The following NSUN4 variants were observed in gnomAD, a reference collection of about 807,000 sequenced individuals.
The protein encoded by NSUN4 is 5-cytosine rRNA methyltransferase NSUN4.
In NSUN4, 31 loss-of-function variants were observed where a neutral mutation model predicts 43.8. The ratio of observed to expected loss-of-function variants is 0.71; its 90% CI spans 0.53 to 0.96. The LOEUF (loss-of-function observed/expected upper bound fraction) is 0.96, where lower values mean the gene tolerates loss of function less well. Ranked by LOEUF, NSUN4 falls within the 40% of genes least tolerant of loss-of-function variation. The probability of loss-of-function intolerance (pLI) is 0.00; values close to 1 mark genes in which losing one functional copy is unlikely to be tolerated. For missense variants in NSUN4, 439 were observed against 475.6 expected (o/e 0.92, Z 0.72); for synonymous variants, 167 against 184.1 (o/e 0.91, Z 0.75).
downstream of NSUN4, among the ~76,000 whole-genome samples, chr1:46,367,763 C>CTTTTT (rs35109012): frequency 1.6e-5 from 2 of 124,632 alleles, no homozygotes; most frequent in African/African-American, 3.0e-5. Flanking sequence ...TCTGAAATTT[C>CTTTTT]TTTTTTTTTT....
rs1663985349 is a variant in NSUN4, at chr1:46,363,143, G to A, written c.*1297G>A. Reference sequence around the variant, plus strand: ...CCTGCTCATCCTTATTTGGGTATTAGAGGTGTCAGTTGAGGAGGGACTTTA... The same window carrying A: ...CCTGCTCATCCTTATTTGGGTATTAAAGGTGTCAGTTGAGGAGGGACTTTA... On this transcript the variant is annotated 3_prime_UTR_variant, in exon 6 of 6. Coordinates refer to ENST00000474844, the MANE Select transcript of NSUN4 (RefSeq NM_199044.4). The A allele has an allele frequency of 6.6e-6, 1 of 152,026 alleles. No individual in the cohort carries two copies. Among genetic ancestry groups the A allele is most frequent in the African/African-American group, 2.4e-5 (1 of 41,370 alleles). The allele number at this position is 152,026 out of a possible 1,614,324, so 9.4% of individuals were successfully genotyped here.
intron 2 of NSUN4, among the ~76,000 whole-genome samples, 190 bp from the exon 3 acceptor site, chr1:46,346,731 A>G (rs1662532764): frequency 6.6e-6 from 1 of 152,100 alleles, no homozygotes; most frequent in African/African-American, 2.4e-5. Flanking sequence ...TCAGTCAATC[A>G]ATCAGTAAAT....
chr1:46,375,360 A>G, the NSUN4 span, among the ~76,000 whole-genome samples: 1 of 150,956 alleles, frequency 6.6e-6, no homozygotes, highest in Non-Finnish European at 1.5e-5. Context: ...GCTTGAACTC[A>G]GGAGGCGGAG....
At chr1:46,361,541 T>G (rs1663870570) in intron 5 of NSUN4, 29 bp from the exon 6 acceptor site, 1 of 1,605,518 alleles carries the variant, frequency 6.2e-7, no homozygotes, top group Non-Finnish European at 8.5e-7. Flanking sequence ...AGCTCACTAG[T>G]AACTGCTTCT....
chr1:46,342,138 C>CA, intron 1 of NSUN4: 1 of 412,282 alleles, frequency 2.4e-6, no homozygotes, highest in Non-Finnish European at 4.2e-6. Flanking sequence ...AACCCTTTCT[C>CA]ACAGAGTTTT....
the NSUN4 span, among the ~76,000 whole-genome samples, chr1:46,371,863 C>T: frequency 6.6e-6 from 1 of 152,096 alleles, no homozygotes; most frequent in South Asian, 2.1e-4. Context: ...GACCAGATCT[C>T]ATGTGAACTC....
chr1:46,376,336 G>A, the NSUN4 span, among the ~76,000 whole-genome samples: 1 of 151,798 alleles, frequency 6.6e-6, no homozygotes, highest in African/African-American at 2.4e-5. Flanking sequence ...CTTGAACCTG[G>A]GAGTTGGAGG....
intron 3 of NSUN4, among the ~76,000 whole-genome samples, chr1:46,350,395 A>C (rs1394995310): frequency 1.3e-5 from 2 of 152,140 alleles, no homozygotes; most frequent in African/African-American, 4.8e-5. Flanking sequence ...ACATTTATTT[A>C]TGGGATTACT....
intron 3 of NSUN4, among the ~76,000 whole-genome samples, chr1:46,350,231 T>C (rs2148385573): frequency 6.6e-6 from 1 of 152,278 alleles, no homozygotes; most frequent in Non-Finnish European, 1.5e-5. Context: ...TTGAGTGCCC[T>C]CAAAAATGGA....
downstream of NSUN4, among the ~76,000 whole-genome samples, chr1:46,365,850 G>A (rs191931359): frequency 7.2e-5 from 11 of 152,206 alleles, no homozygotes; most frequent in South Asian, 2.1e-4. Flanking sequence ...GTAGTGGGCC[G>A]GGCAGTGTGG....
At position 46,344,876 on chromosome 1, in the gene NSUN4, G is replaced by A. The variant is rs775921673; in HGVS notation, c.169G>A (p.Gly57Arg). The change falls in exon 2 of 6, where the codon GGA (glycine) becomes AGA (arginine). Residue 57 changes from glycine (G) to arginine (R), a missense_variant. Coordinates refer to ENST00000474844, the MANE Select transcript of NSUN4 (RefSeq NM_199044.4). ...TGACATGACTTACAGTGTGCAGTTT[G>A]GAGATCTTTGGCCATCAATCCGTGT... ...NFDMTYSVQF[G>R]DLWPSIRVSL... is the part of the protein sequence containing the mutation. The A allele has an allele frequency of 1.3e-5, 21 of 1,614,072 alleles. No homozygotes were observed. Among genetic ancestry groups the A allele is most frequent in the Non-Finnish European group, 1.7e-5 (20 of 1,180,042 alleles).
At chr1:46,383,552 T>C in the NSUN4 span, among the ~76,000 whole-genome samples, 7 of 148,624 alleles carry the variant, frequency 4.7e-5, no homozygotes, top group African/African-American at 1.7e-4. Context: ...GCCTCCCGGG[T>C]TCACGCCATT....
At chr1:46,360,274 ATATG>A (rs1423096507) in intron 4 of NSUN4, among the ~76,000 whole-genome samples, 1,194 of 95,910 alleles carry the variant, frequency 0.012, 33 homozygotes, top group Non-Finnish European at 0.02. Flanking sequence ...ATATATATAT[ATATG>A]TAAATTAGTC....
At chr1:46,385,062 A>G in the NSUN4 span, among the ~76,000 whole-genome samples, 1 of 152,234 alleles carries the variant, frequency 6.6e-6, no homozygotes, top group Non-Finnish European at 1.5e-5. Flanking sequence ...ATTAGTTTTT[A>G]GACCAAAGAA....
chr1:46,354,197 C>T (rs910477550), intron 4 of NSUN4, among the ~76,000 whole-genome samples: 3 of 151,942 alleles, frequency 2.0e-5, no homozygotes, highest in African/African-American at 4.8e-5. Context: ...GCCTCAACCT[C>T]CTGGGCTCAA....
At chr1:46,365,848 C>A (rs913228020), downstream of NSUN4, among the ~76,000 whole-genome samples, 1 of 152,084 alleles carries the variant, frequency 6.6e-6, no homozygotes, top group Admixed American at 6.5e-5. Flanking sequence ...TTGTAGTGGG[C>A]CGGGCAGTGT....
the NSUN4 span, among the ~76,000 whole-genome samples, chr1:46,372,998 G>T: frequency 6.6e-6 from 1 of 152,214 alleles, no homozygotes; most frequent in Non-Finnish European, 1.5e-5. Flanking sequence ...TGGGATTACA[G>T]GTGTGAGCCA....
chr1:46,377,295 C>A, the NSUN4 span, among the ~76,000 whole-genome samples: 8 of 152,156 alleles, frequency 5.3e-5, no homozygotes. Flanking sequence ...AGTGATCCAC[C>A]CGCCTTGGCC....
At chr1:46,374,642 G>A in the NSUN4 span, among the ~76,000 whole-genome samples, 4 of 151,318 alleles carry the variant, frequency 2.6e-5, no homozygotes, top group African/African-American at 9.7e-5. Context: ...TAAAATAAAA[G>A]GGGATCTATT....
Sources: allele counts gnomAD v4.1 joint callset (sites outside exome capture counted in the v4.1 genomes callset), GRCh38; gene constraint gnomAD v4.1.1; transcripts MANE v1.5; gene names NCBI Gene and HGNC (gene_info 2026-07-23, HGNC 2026-07-21).